The following UBR2 variants were observed in gnomAD, a reference collection of about 807,000 sequenced individuals.
The protein encoded by UBR2 is E3 ubiquitin-protein ligase UBR2.
Under a neutral mutation model 247.9 loss-of-function variants are expected in UBR2, and 92 were observed. The ratio of observed to expected loss-of-function variants is 0.37; its 90% CI spans 0.31 to 0.44. The LOEUF is 0.44. UBR2 is among the 20% of genes least tolerant of loss of function. UBR2 has a pLI of 1.00. For missense variants in UBR2, 1,613 were observed against 2,112.6 expected (o/e 0.76, Z 4.64); for synonymous variants, 672 against 693.5 (o/e 0.97, Z 0.49).
chr6:42,666,955 T>C (rs1210823266), intron 34 of UBR2, among the ~76,000 whole-genome samples: 1 of 152,180 alleles, frequency 6.6e-6, no homozygotes, highest in Admixed American at 6.5e-5. Flanking sequence ...GGATAATTCA[T>C]AGGTGTTATT....
At position 42,658,686 on chromosome 6, in the gene UBR2, C is replaced by G; in HGVS notation, c.3104C>G (p.Ala1035Gly). 2 of 1,612,524 alleles carry G rather than the reference C, an allele frequency of 1.2e-6. No homozygotes were observed. The highest frequency in any genetic ancestry group is 2.2e-5 in the South Asian group (2 of 90,766). ...GACAAAGCTGAGAGGAAGAGAAAAGCAGAGATTGCCAGACTGCGCAGAGAA... is the reference window on the plus strand; with the variant it reads ...GACAAAGCTGAGAGGAAGAGAAAAGGAGAGATTGCCAGACTGCGCAGAGAA... ...DKDKAERKRK[A>G]EIARLRREKI... The change falls in exon 29 of 47, where the codon GCA (alanine) becomes GGA (glycine). Residue 1035 changes from alanine (A) to glycine (G), a missense_variant. This residue lies in a region of UBR2 where 1,524 missense variants were observed against 1,967.3 expected (regional missense o/e 0.77). Transcript: ENST00000372901.
rs1791324977 is a variant in UBR2, at chr6:42,573,849, C to T, written c.194C>T (p.Ala65Val). The T allele has an allele frequency of 1.2e-6, 2 of 1,613,944 alleles. No individual in the cohort carries two copies. The highest frequency in any genetic ancestry group is 1.1e-5 in the South Asian group (1 of 91,064). Residue 65 changes from alanine (A) to valine (V), a missense_variant, in exon 2 of 47, where the codon GCA (alanine) becomes GTA (valine). This residue lies in a region of UBR2 where 1,524 missense variants were observed against 1,967.3 expected (regional missense o/e 0.77). Coordinates refer to ENST00000372901, the MANE Select transcript of UBR2 (RefSeq NM_001363705.2). ...TTTCCACAGAAAGAAGACATGCTGG[C>T]ACAGCATGTTTTGTTGGGACCAATG... is the stretch of plus-strand genomic sequence containing the variant. The part of the protein sequence containing the change: ...NPFPQKEDML[A>V]QHVLLGPMEW...
intron 2 of UBR2, among the ~76,000 whole-genome samples, chr6:42,584,779 A>G (rs1169585741): frequency 6.6e-6 from 1 of 151,952 alleles, no homozygotes; most frequent in Non-Finnish European, 1.5e-5. Context: ...TTTTTTCTGA[A>G]TTTTAGTGTC....
rs756147501 is a variant in UBR2 at position 42,569,047 on chromosome 6, A to G, written c.78+4650A>G. ...TGACATTCCTTTGTATAGATAAACC[A>G]TATATTATTTATCTGTTCATCAGTT... On this transcript the variant is annotated intron_variant, in intron 1 of 46. Transcript: ENST00000372901. Among the ~76,000 whole-genome samples the G allele has an allele frequency of 1.4e-4, 21 of 152,158 alleles. 1 individual carries two copies. The highest frequency in any genetic ancestry group is 7.2e-4 in the Admixed American group (11 of 15,270).
At position 42,652,065 on chromosome 6, in the gene UBR2, G is replaced by T. The variant is rs748849434; in HGVS notation, c.2608G>T (p.Asp870Tyr). The change falls in exon 24 of 47, where the codon GAT becomes TAT. Residue 870 changes from aspartate (D) to tyrosine (Y), a missense_variant. This residue lies in a region of UBR2 where 1,524 missense variants were observed against 1,967.3 expected (regional missense o/e 0.77). Coordinates refer to ENST00000372901, the MANE Select transcript of UBR2 (RefSeq NM_001363705.2). ...GAAATTGAAAAGACAAAATAGAGAA[G>T]ATACAGGTATTTTTAATCTTTCTGA... ...QRKLKRQNRE[D>Y]TALPPPVLPP... 2 of 1,583,540 alleles carry T rather than the reference G, an allele frequency of 1.3e-6. No individual in the cohort carries two copies. Among genetic ancestry groups the T allele is most frequent in the African/African-American group, 1.4e-5 (1 of 72,526 alleles).
At chr6:42,660,192 TG>T (rs1339421411) in intron 30 of UBR2, among the ~76,000 whole-genome samples, 1 of 152,228 alleles carries the variant, frequency 6.6e-6, no homozygotes, top group African/African-American at 2.4e-5. Context: ...ATAATTGTTT[TG>T]TCTTATTGAT....
intron 11 of UBR2, among the ~76,000 whole-genome samples, chr6:42,630,098 C>CGTAGTAGTAGTAGCA (rs1214974109): frequency 6.6e-5 from 10 of 151,100 alleles, no homozygotes; most frequent in Non-Finnish European, 1.0e-4. Context: ...AATGAACCAT[C>CGTAGTAGTAGTAGCA]GTAGTAGTAG....
At chr6:42,614,416 G>GTACATACATACGTATATATGTATA (rs1794389240) in intron 8 of UBR2, among the ~76,000 whole-genome samples, 1 of 43,006 alleles carries the variant, frequency 2.3e-5, no homozygotes, top group African/African-American at 7.6e-5. Flanking sequence ...ATGTATGTAC[G>GTACATACATACGTATATATGTATA]TACGTACATA....
intron 2 of UBR2, among the ~76,000 whole-genome samples, chr6:42,583,916 A>C (rs1289051437): frequency 2.0e-5 from 3 of 151,522 alleles, no homozygotes; most frequent in African/African-American, 7.3e-5. Context: ...ATATGGCTTG[A>C]GGTAGAGGTT....
chr6:42,581,003 ATTTTTTTT>A (rs58396471), intron 2 of UBR2, among the ~76,000 whole-genome samples: 3 of 62,600 alleles, frequency 4.8e-5, no homozygotes, highest in African/African-American at 1.5e-4. Context: ...TGGTTCTAGA[ATTTTTTTT>A]TTTTTTTTTT....
intron 40 of UBR2, among the ~76,000 whole-genome samples, chr6:42,677,203 T>C (rs1172169047): frequency 6.6e-6 from 1 of 152,190 alleles, no homozygotes; most frequent in African/African-American, 2.4e-5. Flanking sequence ...TCATTCAGAA[T>C]GGGAATTTAA....
Position 42,645,592 on chromosome 6 carries a change from T to G in UBR2, c.2409+2T>G. ...TTGGTAAAGTCTTTACCTGAAGATG[T>G]AAGTACCTACATTTCTAAAAAGAAA... is the stretch of plus-strand genomic sequence containing the variant. On this transcript the variant is annotated splice_donor_variant, in intron 21 of 46. Coordinates refer to ENST00000372901, the MANE Select transcript of UBR2 (RefSeq NM_001363705.2). LOFTEE classifies it high-confidence loss of function. 1 of 1,611,938 alleles carries G rather than the reference T, an allele frequency of 6.2e-7. No homozygotes were observed. Among genetic ancestry groups the G allele is most frequent in the Non-Finnish European group, 8.5e-7 (1 of 1,179,458 alleles).
intron 40 of UBR2, among the ~76,000 whole-genome samples, chr6:42,677,403 G>C (rs1234019856): frequency 6.6e-6 from 1 of 152,062 alleles, no homozygotes. Context: ...AAAAATGTCT[G>C]TTTTTTGACT....
intron 1 of UBR2, among the ~76,000 whole-genome samples, chr6:42,571,732 G>A (rs1176225122): frequency 2.4e-5 from 2 of 84,922 alleles, no homozygotes; most frequent in African/African-American, 5.6e-5. Context: ...GACAGCACGA[G>A]ACTCAAAAAA....
chr6:42,657,961 C>A, intron 26 of UBR2, 63 bp from the exon 27 acceptor site: 1 of 1,236,678 alleles, frequency 8.1e-7, no homozygotes, highest in Non-Finnish European at 1.2e-6. Context: ...TGTTCCTGTG[C>A]GTAGGAATAA....
intron 41 of UBR2, 46 bp downstream of exon 41, chr6:42,678,715 T>G (rs761915865): frequency 5.1e-6 from 8 of 1,567,534 alleles, no homozygotes; most frequent in Non-Finnish European, 6.0e-6. Flanking sequence ...TAGTAATCCT[T>G]TACTCCAGCA....
At chr6:42,682,281 A>G (rs1181319025) in intron 42 of UBR2, among the ~76,000 whole-genome samples, 3 of 152,108 alleles carry the variant, frequency 2.0e-5, no homozygotes. Flanking sequence ...TTTAATGAGT[A>G]CAGAGTTTCA....
intron 7 of UBR2, 50 bp downstream of exon 7, chr6:42,606,701 A>G (rs1223654012): frequency 5.5e-6 from 8 of 1,454,572 alleles, no homozygotes; most frequent in South Asian, 1.3e-5. Context: ...GTTTAAAACT[A>G]GCTTCATATT....
intron 22 of UBR2, among the ~76,000 whole-genome samples, chr6:42,649,275 C>T (rs1796969291): frequency 6.6e-6 from 1 of 152,228 alleles, no homozygotes; most frequent in Non-Finnish European, 1.5e-5. Flanking sequence ...TCTCAAAGTG[C>T]TGAGATTACT....
Sources: gnomAD v4.1 joint callset for allele counts (sites outside exome capture counted in the v4.1 genomes callset) on GRCh38, gnomAD v4.1.1 for gene constraint, gnomAD v4.1.1 regional missense constraint, MANE v1.5 for transcripts, NCBI Gene and HGNC (gene_info 2026-07-23, HGNC 2026-07-21) for gene names.